The following LAMA2 variants were observed in gnomAD, a reference collection of about 807,000 sequenced individuals.
LAMA2 encodes laminin subunit alpha-2.
Under a neutral mutation model 364.8 loss-of-function variants are expected in LAMA2, and 269 were observed. That is an observed-to-expected ratio of 0.74 (90% CI 0.67 to 0.82). The LOEUF is 0.82. LAMA2 is among the 40% of genes least tolerant of loss of function. LAMA2 has a pLI of 0.00. For missense variants in LAMA2, 3,807 were observed against 3,873.2 expected (o/e 0.98, Z 0.45); for synonymous variants, 1,379 against 1,370.6 (o/e 1.01, Z -0.14).
chr6:129,237,638 C>T (rs1785080452), intron 12 of LAMA2, among the ~76,000 whole-genome samples: 1 of 152,032 alleles, frequency 6.6e-6, no homozygotes, highest in Non-Finnish European at 1.5e-5. Flanking sequence ...AGCCATGTGC[C>T]CAGCTGTTTC....
chr6:128,968,793 G>A (rs1433310829), intron 1 of LAMA2, among the ~76,000 whole-genome samples: 2 of 136,858 alleles, frequency 1.5e-5, no homozygotes, highest in Non-Finnish European at 1.5e-5. Context: ...GGCCAGGTAG[G>A]ACCTTGTACT....
At chr6:129,230,406 A>C (rs1339120805) in intron 12 of LAMA2, among the ~76,000 whole-genome samples, 1 of 152,120 alleles carries the variant, frequency 6.6e-6, no homozygotes, top group Non-Finnish European at 1.5e-5. Context: ...AAGAAGAAAG[A>C]ATATGGAGAT....
chr6:129,446,636 C>A (rs1353754084), intron 45 of LAMA2, among the ~76,000 whole-genome samples: 1 of 147,024 alleles, frequency 6.8e-6, no homozygotes, highest in Non-Finnish European at 1.5e-5. Flanking sequence ...AAGGCTTGAA[C>A]TCAAACCTTT....
intron 41 of LAMA2, 25 bp downstream of exon 41, chr6:129,427,879 A>G: frequency 7.2e-7 from 1 of 1,391,008 alleles, no homozygotes; most frequent in Non-Finnish European, 1.0e-6. Context: ...AGTTTTTATT[A>G]TATTCCAGTT....
intron 41 of LAMA2, among the ~76,000 whole-genome samples, chr6:129,429,820 G>A (rs544698662): frequency 3.3e-5 from 5 of 152,246 alleles, no homozygotes; most frequent in East Asian, 3.9e-4. Flanking sequence ...TACCAGGGCC[G>A]TGCCCTCGCC....
intron 63 of LAMA2, among the ~76,000 whole-genome samples, chr6:129,512,900 C>T (rs1786716099): frequency 1.3e-5 from 2 of 152,166 alleles, no homozygotes; most frequent in Admixed American, 1.3e-4. Flanking sequence ...ACAGGCTAGG[C>T]ATCTCTTAGA....
Position 129,505,252 on chromosome 6 carries a change from C to T in LAMA2, c.8600C>T (p.Ser2867Phe). 6.2e-7 allele frequency: 1 copy of T among 1,613,536 alleles called. No homozygotes were observed. Among genetic ancestry groups the T allele is most frequent in the Non-Finnish European group, 8.5e-7 (1 of 1,179,532 alleles). Reference sequence around the variant, plus strand: ...GGAATTCTTTATGTAGATGGGGCTTCCAACAGAACCATCAGTCCCAAAAAA... The same window carrying T: ...GGAATTCTTTATGTAGATGGGGCTTTCAACAGAACCATCAGTCCCAAAAAA... ...QEGILYVDGA[S>F]NRTISPKKAD... The change falls in exon 61 of 65, where the codon TCC (serine) becomes TTC (phenylalanine). Residue 2867 changes from serine (S) to phenylalanine (F), a missense_variant. Ser to Phe is a radical substitution (Grantham distance 155, BLOSUM62 -2). This residue lies in a region of LAMA2 where 3,333 missense variants were observed against 3,345.7 expected (regional missense o/e 1.00). Coordinates refer to ENST00000421865, the MANE Select transcript of LAMA2 (RefSeq NM_000426.4).
At chr6:129,481,175 A>T in intron 54 of LAMA2, 88 bp from the exon 55 acceptor site, 1 of 967,830 alleles carries the variant, frequency 1.0e-6, no homozygotes, top group Non-Finnish European at 1.7e-6. Flanking sequence ...TAATCACATT[A>T]ATTGCATCGA....
intron 35 of LAMA2, among the ~76,000 whole-genome samples, chr6:129,384,792 C>A (rs1383715945): frequency 6.6e-6 from 1 of 151,924 alleles, no homozygotes; most frequent in African/African-American, 2.4e-5. Context: ...CTAAATTATG[C>A]ATAGATCAGG....
chr6:129,208,259 A>C (rs962049672), intron 12 of LAMA2, among the ~76,000 whole-genome samples: 1 of 152,198 alleles, frequency 6.6e-6, no homozygotes, highest in Admixed American at 6.5e-5. Flanking sequence ...TTCTTAATGT[A>C]TAAAATGAAA....
At chr6:128,994,408 G>C (rs956484810) in intron 1 of LAMA2, among the ~76,000 whole-genome samples, 2 of 152,170 alleles carry the variant, frequency 1.3e-5, no homozygotes, top group African/African-American at 2.4e-5. Context: ...ATGCTAATGG[G>C]ATAGAATCTG....
chr6:128,923,501 T>C (rs1466194540), intron 1 of LAMA2, among the ~76,000 whole-genome samples: 1 of 152,092 alleles, frequency 6.6e-6, no homozygotes, highest in Non-Finnish European at 1.5e-5. Flanking sequence ...TCATTTATTA[T>C]GGCAGTCCTA....
At chr6:129,374,806 A>T (rs1778281628) in intron 34 of LAMA2, among the ~76,000 whole-genome samples, 1 of 150,736 alleles carries the variant, frequency 6.6e-6, no homozygotes, top group African/African-American at 2.4e-5. Flanking sequence ...GCTGGTCTCG[A>T]ACCCCTGACC....
intron 3 of LAMA2, among the ~76,000 whole-genome samples, chr6:129,077,959 G>A (rs540021908): frequency 3.4e-4 from 52 of 152,214 alleles, no homozygotes; most frequent in African/African-American, 1.2e-3. Flanking sequence ...GTCCAAACCC[G>A]CAGGACGTGC....
intron 29 of LAMA2, among the ~76,000 whole-genome samples, chr6:129,334,626 T>G (rs1775843677): frequency 6.6e-6 from 1 of 152,188 alleles, no homozygotes; most frequent in Non-Finnish European, 1.5e-5. Flanking sequence ...TTTCGGATGT[T>G]GTAACAAAAT....
intron 40 of LAMA2, among the ~76,000 whole-genome samples, chr6:129,404,924 A>G (rs2114699769): frequency 6.6e-6 from 1 of 152,212 alleles, no homozygotes; most frequent in Admixed American, 6.5e-5. Context: ...ATCATAATGA[A>G]ACATCATATT....
At chr6:129,254,595 A>C (rs939940492) in intron 14 of LAMA2, among the ~76,000 whole-genome samples, 5 of 152,240 alleles carry the variant, frequency 3.3e-5, no homozygotes, top group African/African-American at 9.6e-5. Flanking sequence ...AGAAAGGCAC[A>C]TACTGGCATT....
chr6:129,375,241 C>T (rs1778305693), intron 34 of LAMA2, among the ~76,000 whole-genome samples: 1 of 152,108 alleles, frequency 6.6e-6, no homozygotes, highest in Admixed American at 6.5e-5. Context: ...ACTGGAAGAA[C>T]CCAAGTTCCT....
chr6:129,315,337 G>T, intron 24 of LAMA2, 139 bp from the exon 25 acceptor site: 1 of 720,812 alleles, frequency 1.4e-6, no homozygotes, highest in South Asian at 1.7e-5. Context: ...CTTGCCCACT[G>T]CGTGTGAGTT....
Sources: allele counts gnomAD v4.1 joint callset (sites outside exome capture counted in the v4.1 genomes callset), GRCh38; gene constraint gnomAD v4.1.1; regional missense constraint gnomAD v4.1.1; transcripts MANE v1.5; gene names NCBI Gene and HGNC (gene_info 2026-07-23, HGNC 2026-07-21).